The following PAFAH1B2 variants were observed in gnomAD, a reference collection of about 807,000 sequenced individuals.
PAFAH1B2 encodes platelet activating factor acetylhydrolase 1b catalytic subunit 2.
Under a neutral mutation model 28.0 loss-of-function variants are expected in PAFAH1B2, and 8 were observed. The observed-to-expected ratio is 0.29, with a 90% CI of 0.17 to 0.52. The LOEUF (loss-of-function observed/expected upper bound fraction) is 0.52. Ranked by LOEUF, PAFAH1B2 falls within the 20% of genes least tolerant of loss-of-function variation. The pLI, the probability that PAFAH1B2 is intolerant of heterozygous loss-of-function variation, is 0.97. For synonymous variants in PAFAH1B2, 104 were observed against 103.2 expected (o/e 1.01, Z -0.05); for missense variants, 190 against 282.6 (o/e 0.67, Z 2.35).
At chr11:117,145,999 C>T (rs1197156525) in intron 1 of PAFAH1B2, among the ~76,000 whole-genome samples, 1 of 152,116 alleles carries the variant, frequency 6.6e-6, no homozygotes, top group African/African-American at 2.4e-5. Context: ...CCTCGTCTTC[C>T]CAGAGAACTC....
Position 117,168,219 on chromosome 11 carries a change from T to C in PAFAH1B2, c.*520T>C. ...TGTAGCATCAGGTTGAACATGCTTG[T>C]CATTGATATATGGAAGATGCTATAG... On this transcript the variant is annotated 3_prime_UTR_variant, in exon 6 of 6. Transcript: ENST00000527958. 3 of 1,057,350 alleles carry C rather than the reference T, an allele frequency of 2.8e-6. No individual in the cohort carries two copies. Among genetic ancestry groups the C allele is most frequent in the Non-Finnish European group, 3.4e-6 (3 of 873,160 alleles). 65.5% of individuals were successfully genotyped at this position (1,057,350 alleles called of 1,614,324 possible).
At chr11:117,146,118 T>TC (rs1955999760) in intron 1 of PAFAH1B2, among the ~76,000 whole-genome samples, 1 of 143,070 alleles carries the variant, frequency 7.0e-6, no homozygotes, top group African/African-American at 2.5e-5. Flanking sequence ...TTCTTTCTTT[T>TC]TTTTTTTTTT....
At chr11:117,146,835 A>T (rs1956021377) in intron 1 of PAFAH1B2, among the ~76,000 whole-genome samples, 1 of 58,644 alleles carries the variant, frequency 1.7e-5, no homozygotes, top group Admixed American at 1.7e-4. Flanking sequence ...ATCCCCATCT[A>T]TTGGAAAAAA....
intron 2 of PAFAH1B2, 39 bp downstream of exon 2, chr11:117,152,567 G>A (rs1431261161): frequency 2.1e-6 from 3 of 1,404,734 alleles, no homozygotes; most frequent in African/African-American, 1.4e-5. Context: ...CATGAGTTGA[G>A]TCTCCAGTTT....
In PAFAH1B2 at chr11:117,169,237, T is replaced by C. The variant is rs1242303144; in HGVS notation, c.*1538T>C. The stretch of plus-strand genomic sequence containing the variant: ...TTTGTTTCACTTCTGAGGTGTCTTA[T>C]TAATGTACTTCATCTGAGAATTTGT... On this transcript the variant is annotated 3_prime_UTR_variant, in exon 6 of 6. Transcript: ENST00000527958. The C allele has an allele frequency of 9.6e-7, 1 of 1,036,994 alleles. No homozygotes were observed. Among genetic ancestry groups the C allele is most frequent in the Non-Finnish European group, 1.2e-6 (1 of 861,492 alleles). The allele number at this position is 1,036,994 out of a possible 1,614,324, so 64.2% of individuals were successfully genotyped here.
intron 3 of PAFAH1B2, among the ~76,000 whole-genome samples, chr11:117,160,779 C>CTTTTTTTTT (rs113638567): frequency 7.0e-6 from 1 of 143,022 alleles, no homozygotes. Context: ...TAAAAGATAG[C>CTTTTTTTTT]TTTTTTTTTT....
chr11:117,151,498 G>T (rs1333535778), intron 1 of PAFAH1B2, among the ~76,000 whole-genome samples: 1 of 151,774 alleles, frequency 6.6e-6, no homozygotes, highest in African/African-American at 2.4e-5. Flanking sequence ...CAAAGTGCTG[G>T]GATTACAGGC....
intron 1 of PAFAH1B2, 137 bp from the exon 2 acceptor site, chr11:117,152,298 TTGTTTC>T (rs1284845411): frequency 6.5e-5 from 40 of 612,756 alleles, no homozygotes; most frequent in Non-Finnish European, 5.8e-6. Context: ...CAGAAAGTAA[TTGTTTC>T]TGTTTAGTTT....
rs1042042647 is a variant in PAFAH1B2, at chr11:117,162,395, C to T, written c.288+1134C>T. Among the ~76,000 whole-genome samples the T allele has an allele frequency of 2.6e-5, 4 of 151,562 alleles. 1 individual carries two copies. Among genetic ancestry groups the T allele is most frequent in the Admixed American group, 1.3e-4 (2 of 15,224 alleles). The stretch of plus-strand genomic sequence containing the variant: ...GCCTCAGATGATGATCCTCCCGCCC[C>T]GGCCTCCTAAAATACTGGGATTATA... On this transcript the variant is annotated intron_variant, in intron 4 of 5. Coordinates refer to ENST00000527958, the MANE Select transcript of PAFAH1B2 (RefSeq NM_002572.4).
intron 4 of PAFAH1B2, 79 bp from the exon 5 acceptor site, chr11:117,163,685 AAAAAAG>A (rs2134205343): frequency 1.9e-6 from 2 of 1,043,908 alleles, no homozygotes; most frequent in Non-Finnish European, 2.8e-6. Context: ...AAAAAAAAAA[AAAAAAG>A]ATTTTCATCT....
exon 6 of PAFAH1B2, chr11:117,176,187 A>G: frequency 3.9e-6 from 2 of 510,850 alleles, no homozygotes; most frequent in Non-Finnish European, 6.9e-6. Context: ...TTGGCCAAGG[A>G]AACCCATAAG....
At chr11:117,144,827 C>T (rs1955957835) in intron 1 of PAFAH1B2, among the ~76,000 whole-genome samples, 2 of 152,172 alleles carry the variant, frequency 1.3e-5, no homozygotes, top group East Asian at 3.9e-4. Flanking sequence ...GGCGCTGCAG[C>T]TCCTGCCCGG....
At chr11:117,152,332 A>T (rs1956170242) in intron 1 of PAFAH1B2, 109 bp from the exon 2 acceptor site, 1 of 666,096 alleles carries the variant, frequency 1.5e-6, no homozygotes, top group Non-Finnish European at 2.7e-6. Context: ...GTTTCTAGGC[A>T]AACCACATAA....
rs1479116600 is a variant in PAFAH1B2 at position 117,170,913 on chromosome 11, G to A, written c.*3214G>A. 6 of 1,059,404 alleles carry A rather than the reference G, an allele frequency of 5.7e-6. No individual in the cohort carries two copies. Among genetic ancestry groups the A allele is most frequent in the Non-Finnish European group, 6.9e-6 (6 of 875,666 alleles). 65.6% of individuals were successfully genotyped at this position (1,059,404 alleles called of 1,614,324 possible). A position where few individuals can be genotyped will look rare whatever the true frequency, so the allele number is the denominator to read the frequency against. Reference sequence around the variant, plus strand: ...CCAGGTTTCTTGGTGTTCCTGCTTGGGGATCACTGCTGCTAGCTGACTGGA... The same window carrying A: ...CCAGGTTTCTTGGTGTTCCTGCTTGAGGATCACTGCTGCTAGCTGACTGGA... On this transcript the variant is annotated 3_prime_UTR_variant, in exon 6 of 6. Transcript: ENST00000527958.
rs1160920619 is a variant in PAFAH1B2, at chr11:117,170,377, A to G, written c.*2678A>G. 1.9e-6 allele frequency: 2 copies of G among 1,058,858 alleles called. No homozygotes were observed. The highest frequency in any genetic ancestry group is 3.3e-5 in the African/African-American group (2 of 59,788). The allele number at this position is 1,058,858 out of a possible 1,614,324, so 65.6% of individuals were successfully genotyped here. On this transcript the variant is annotated 3_prime_UTR_variant, in exon 6 of 6. Coordinates refer to ENST00000527958, the MANE Select transcript of PAFAH1B2 (RefSeq NM_002572.4). ...ATACTAGATGGCAGCCAGTGATGGA[A>G]CTATAAAGATGTCTGTGGTCATATG...
chr11:117,169,983 T>C lies in PAFAH1B2; in HGVS notation c.*2284T>C, dbSNP rs1956611152. 2 of 1,053,492 alleles carry C rather than the reference T, an allele frequency of 1.9e-6. No homozygotes were observed. Among genetic ancestry groups the C allele is most frequent in the South Asian group, 4.6e-5 (1 of 21,872 alleles). 65.3% of individuals were successfully genotyped at this position (1,053,492 alleles called of 1,614,324 possible). On this transcript the variant is annotated 3_prime_UTR_variant, in exon 6 of 6. Coordinates refer to ENST00000527958, the MANE Select transcript of PAFAH1B2 (RefSeq NM_002572.4). ...GCTCATGTGTACAAACCTCAGATGT[T>C]ACTACATTTTATATCTACCAGAGCT...
intron 5 of PAFAH1B2, among the ~76,000 whole-genome samples, chr11:117,164,476 C>G (rs945284795): frequency 6.6e-6 from 1 of 151,382 alleles, no homozygotes; most frequent in African/African-American, 2.4e-5. Flanking sequence ...ATTTTTTGCA[C>G]AATGGCACAT....
In PAFAH1B2 at chr11:117,169,094, T is replaced by C. The variant is rs1956586813; in HGVS notation, c.*1395T>C. The C allele has an allele frequency of 2.0e-6, 2 of 1,017,712 alleles. No homozygotes were observed. Among genetic ancestry groups the C allele is most frequent in the South Asian group, 9.3e-5 (2 of 21,562 alleles). 63.0% of individuals were successfully genotyped at this position (1,017,712 alleles called of 1,614,324 possible). A position where few individuals can be genotyped will look rare whatever the true frequency, so the allele number is the denominator to read the frequency against. On this transcript the variant is annotated 3_prime_UTR_variant, in exon 6 of 6. Transcript: ENST00000527958. ...GCATGAGCCACCGTGCCTGGCCTTA[T>C]TGGCTTAGTTTTTAAATTATCCTCC...
intron 4 of PAFAH1B2, among the ~76,000 whole-genome samples, chr11:117,162,608 A>G (rs545089724): frequency 1.4e-4 from 21 of 149,026 alleles, no homozygotes; most frequent in African/African-American, 5.2e-4. Flanking sequence ...CTAGATTTAA[A>G]AAAAAAAAAA....
Sources: allele counts gnomAD v4.1 joint callset (sites outside exome capture counted in the v4.1 genomes callset), GRCh38; gene constraint gnomAD v4.1.1; transcripts MANE v1.5; gene names NCBI Gene and HGNC (gene_info 2026-07-23, HGNC 2026-07-21).